Variants in LUZP2 observed in about 807,000 individuals in gnomAD.
The protein encoded by LUZP2 is leucine zipper protein 2.
A neutral mutation model predicts 51.6 loss-of-function variants in LUZP2; 52 were observed. The observed-to-expected ratio is 1.01, with a 90% CI of 0.81 to 1.27. The LOEUF (loss-of-function observed/expected upper bound fraction) is 1.27. LUZP2 is among the 50% of genes most tolerant of loss of function. The pLI, the probability that LUZP2 is intolerant of heterozygous loss-of-function variation, is 0.00. For missense variants in LUZP2, 436 were observed against 395.4 expected (o/e 1.10, Z -0.87); for synonymous variants, 154 against 137.3 (o/e 1.12, Z -0.85).
chr11:24,541,192 G>A (rs1184856492), intron 1 of LUZP2, among the ~76,000 whole-genome samples: 1 of 145,668 alleles, frequency 6.9e-6, no homozygotes, highest in Non-Finnish European at 1.5e-5. Flanking sequence ...GACAGAAGTT[G>A]CAGTAAGCCA....
intron 4 of LUZP2, among the ~76,000 whole-genome samples, chr11:24,757,435 C>G (rs1435047243): frequency 6.6e-6 from 1 of 152,042 alleles, no homozygotes; most frequent in East Asian, 1.9e-4. Context: ...CATTGTCATA[C>G]TTGGCACTTA....
chr11:24,825,662 G>C (rs1303732960), intron 5 of LUZP2, among the ~76,000 whole-genome samples: 1 of 152,002 alleles, frequency 6.6e-6, no homozygotes, highest in Non-Finnish European at 1.5e-5. Flanking sequence ...AATTTGTCTT[G>C]GGTGAGGACT....
intron 1 of LUZP2, among the ~76,000 whole-genome samples, chr11:24,498,415 T>C (rs1302096385): frequency 6.6e-6 from 1 of 152,218 alleles, no homozygotes; most frequent in African/African-American, 2.4e-5. Flanking sequence ...GTTCCTAATC[T>C]ACACACCTTC....
chr11:24,999,218 C>A (rs913666481), intron 9 of LUZP2, among the ~76,000 whole-genome samples: 4 of 152,130 alleles, frequency 2.6e-5, no homozygotes, highest in African/African-American at 7.2e-5. Context: ...ACATTTAGTT[C>A]TTTATTGACC....
At position 24,882,991 on chromosome 11, in the gene LUZP2, GAAAGA is replaced by G. The variant is rs371250500; in HGVS notation, c.397-22984_397-22980del. 1.3e-3 allele frequency among the ~76,000 whole-genome samples: 178 copies of G among 140,768 alleles called. 2 individuals are homozygous for G. Among genetic ancestry groups the G allele is most frequent in the Middle Eastern group, 7.2e-3 (2 of 276 alleles). The allele number at this position is 140,768 out of a possible 152,430, so 92.3% of individuals were successfully genotyped here. On this transcript the variant is annotated intron_variant, in intron 5 of 11. Transcript: ENST00000336930. ...AAGAAAGATGGAGGAAGGAAGGAAG[GAAAGA>G]AAAGAAAAGAAAAGAGAAAAAAAGA...
Position 24,551,253 on chromosome 11 carries a change from TTA to T in LUZP2, c.62+53949_62+53950del, listed in dbSNP as rs1302841636. ...TATACGTACTACAAAATATTATTTG[TTA>T]ATTTAAAGAATAAAGTACTGATCTA... On this transcript the variant is annotated intron_variant, in intron 1 of 11. Coordinates refer to ENST00000336930, the MANE Select transcript of LUZP2 (RefSeq NM_001009909.4). Among the ~76,000 whole-genome samples, 7 of 152,108 alleles carry T rather than the reference TTA, an allele frequency of 4.6e-5. No homozygotes were observed. The East Asian group carries it at 1.4e-3, about 29-fold the overall frequency.
chr11:24,997,019 T>C (rs1217869638), intron 9 of LUZP2, among the ~76,000 whole-genome samples: 1 of 150,094 alleles, frequency 6.7e-6, no homozygotes, highest in East Asian at 1.9e-4. Flanking sequence ...AGTCTATCAT[T>C]GTTGGACATT....
At chr11:24,847,028 A>G (rs1851224314) in intron 5 of LUZP2, among the ~76,000 whole-genome samples, 1 of 151,826 alleles carries the variant, frequency 6.6e-6, no homozygotes, top group Admixed American at 6.6e-5. Context: ...ACATACATGT[A>G]TACACACATA....
At chr11:24,858,971 T>G (rs1227207721) in intron 5 of LUZP2, among the ~76,000 whole-genome samples, 2 of 152,216 alleles carry the variant, frequency 1.3e-5, no homozygotes, top group Non-Finnish European at 2.9e-5. Context: ...TTCTGCAGTT[T>G]GTTATCATTA....
chr11:25,073,739 T>C (rs1859224827), intron 10 of LUZP2, among the ~76,000 whole-genome samples: 1 of 152,128 alleles, frequency 6.6e-6, no homozygotes, highest in African/African-American at 2.4e-5. Flanking sequence ...GGTAATTGCA[T>C]CACTGTTGAT....
chr11:24,821,432 ATTAAT>A (rs1377614198), intron 5 of LUZP2, among the ~76,000 whole-genome samples: 1 of 152,164 alleles, frequency 6.6e-6, no homozygotes, highest in Admixed American at 6.6e-5. Flanking sequence ...TTAACACCTT[ATTAAT>A]TTAAGATATA....
chr11:24,888,848 C>T (rs1397471401), intron 5 of LUZP2, among the ~76,000 whole-genome samples: 1 of 152,072 alleles, frequency 6.6e-6, no homozygotes, highest in Non-Finnish European at 1.5e-5. Context: ...GTAAGGGGCT[C>T]TTCCCACTTC....
intron 9 of LUZP2, among the ~76,000 whole-genome samples, chr11:25,029,669 G>T (rs141390842): frequency 6.6e-6 from 1 of 151,066 alleles, no homozygotes; most frequent in Admixed American, 6.6e-5. Flanking sequence ...CCCGGGAGGC[G>T]GAGGTTGCAA....
At chr11:24,630,894 C>CT (rs1386863911) in intron 1 of LUZP2, among the ~76,000 whole-genome samples, 2 of 151,464 alleles carry the variant, frequency 1.3e-5, no homozygotes, top group African/African-American at 4.8e-5. Flanking sequence ...TTATAAGTTT[C>CT]TTTTTGTAGA....
chr11:24,617,302 AAATCC>A (rs1476483418), intron 1 of LUZP2, among the ~76,000 whole-genome samples: 1 of 152,048 alleles, frequency 6.6e-6, no homozygotes, highest in African/African-American at 2.4e-5. Flanking sequence ...TTAGTTAAAA[AAATCC>A]AATTTTGCCT....
chr11:24,864,585 T>C (rs1333267570), intron 5 of LUZP2, among the ~76,000 whole-genome samples: 1 of 152,188 alleles, frequency 6.6e-6, no homozygotes, highest in Admixed American at 6.6e-5. Context: ...AGACAGGCTG[T>C]GTCCGCATGG....
chr11:24,621,516 A>T (rs1353665810), intron 1 of LUZP2, among the ~76,000 whole-genome samples: 1 of 152,188 alleles, frequency 6.6e-6, no homozygotes, highest in Admixed American at 6.5e-5. Context: ...CTAGCAACAA[A>T]GATTCTCTTA....
intron 1 of LUZP2, among the ~76,000 whole-genome samples, chr11:24,713,829 T>C (rs1034599824): frequency 6.6e-6 from 1 of 150,478 alleles, no homozygotes; most frequent in Non-Finnish European, 1.5e-5. Flanking sequence ...GCTGGAATTA[T>C]AGGCGTGCAG....
At chr11:24,942,577 T>C (rs1854784891) in intron 7 of LUZP2, among the ~76,000 whole-genome samples, 1 of 152,214 alleles carries the variant, frequency 6.6e-6, no homozygotes, top group Admixed American at 6.5e-5. Flanking sequence ...ATTTTTTGTT[T>C]TCTAATAACT....
Sources: gnomAD v4.1 joint callset for allele counts (sites outside exome capture counted in the v4.1 genomes callset) on GRCh38, gnomAD v4.1.1 for gene constraint, MANE v1.5 for transcripts, NCBI Gene and HGNC (gene_info 2026-07-23, HGNC 2026-07-21) for gene names.